Variants in SYNPR observed in about 807,000 individuals in gnomAD.
SYNPR encodes synaptoporin.
SYNPR carries 23 observed loss-of-function variants against 32.9 expected under a neutral mutation model. The observed-to-expected ratio is 0.70, with a 90% CI of 0.50 to 0.99. The LOEUF is 0.99. Ranked by LOEUF, SYNPR falls within the 50% of genes least tolerant of loss-of-function variation. SYNPR has a pLI of 0.00. For synonymous variants in SYNPR, 146 were observed against 135.9 expected, an observed-to-expected ratio of 1.07 and a Z score of -0.52; for missense variants, 318 against 349.3, an observed-to-expected ratio of 0.91 and a Z score of 0.71.
chr3:63,588,689 T>C (rs1474267315), intron 4 of SYNPR, among the ~76,000 whole-genome samples: 2 of 152,160 alleles, frequency 1.3e-5, no homozygotes, highest in East Asian at 1.9e-4. Context: ...CTATTTTCTA[T>C]ATGACATAGT....
At chr3:63,494,406 T>C (rs868148258) in intron 3 of SYNPR, among the ~76,000 whole-genome samples, 3 of 118,676 alleles carry the variant, frequency 2.5e-5, no homozygotes, top group South Asian at 5.3e-4. Context: ...TATATATATA[T>C]ATATATATAT....
At chr3:63,497,665 G>A (rs1340967222) in intron 3 of SYNPR, among the ~76,000 whole-genome samples, 1 of 151,710 alleles carries the variant, frequency 6.6e-6, no homozygotes, top group South Asian at 2.1e-4. Context: ...GAATTCAGTC[G>A]CTCTGCAGAG....
intron 2 of SYNPR, among the ~76,000 whole-genome samples, chr3:63,333,761 T>C (rs1450920480): frequency 1.3e-5 from 2 of 152,186 alleles, no homozygotes; most frequent in Admixed American, 6.5e-5. Context: ...TTTTCATTCA[T>C]AGCACCAGTC....
intron 2 of SYNPR, among the ~76,000 whole-genome samples, chr3:63,252,934 G>A (rs1017104014): frequency 6.6e-6 from 1 of 151,916 alleles, no homozygotes; most frequent in Non-Finnish European, 1.5e-5. Context: ...AGCTACTTGG[G>A]AGGCTGAGGT....
In SYNPR at chr3:63,553,823, G is replaced by A. The variant is rs531469836; in HGVS notation, c.210-2720G>A. 6.6e-5 allele frequency among the ~76,000 whole-genome samples: 10 copies of A among 152,292 alleles called. No individual in the cohort carries two copies. In the East Asian group the frequency reaches 1.7e-3, roughly 27 times the overall value. ...CGCAACCTCCGCCTCCTAGGTTCAAGTGATTCTCCTGCCTCAGCCTCCCGA... is the reference window on the plus strand; with the variant it reads ...CGCAACCTCCGCCTCCTAGGTTCAAATGATTCTCCTGCCTCAGCCTCCCGA... On this transcript the variant is annotated intron_variant, in intron 3 of 5. Coordinates refer to ENST00000478300, the MANE Select transcript of SYNPR (RefSeq NM_001130003.2).
intron 3 of SYNPR, among the ~76,000 whole-genome samples, chr3:63,498,949 A>T (rs1229032870): frequency 4.3e-5 from 3 of 69,746 alleles, no homozygotes; most frequent in Admixed American, 1.1e-4. Flanking sequence ...CCTCACCTCT[A>T]AAAAAAAAAA....
chr3:63,277,567 G>A (rs756669427), upstream of SYNPR, among the ~76,000 whole-genome samples: 5 of 152,156 alleles, frequency 3.3e-5, no homozygotes, highest in Non-Finnish European at 5.9e-5. Context: ...TTCATTCCCT[G>A]TTTAGCCTTT....
chr3:63,385,016 C>T (rs2088022598), intron 2 of SYNPR, among the ~76,000 whole-genome samples: 1 of 152,098 alleles, frequency 6.6e-6, no homozygotes, highest in Non-Finnish European at 1.5e-5. Flanking sequence ...ACCCCATGGC[C>T]TCAGCTCTTA....
intron 2 of SYNPR, among the ~76,000 whole-genome samples, chr3:63,368,070 A>G (rs1437378819): frequency 1.3e-5 from 2 of 152,198 alleles, no homozygotes; most frequent in African/African-American, 2.4e-5. Flanking sequence ...GGCAGCAAGA[A>G]ATTTTTAAAA....
chr3:63,391,970 C>T (rs987779772), intron 2 of SYNPR, among the ~76,000 whole-genome samples: 1 of 152,190 alleles, frequency 6.6e-6, no homozygotes, highest in Non-Finnish European at 1.5e-5. Flanking sequence ...TTGCCCCTTC[C>T]TAAGCTGCGC....
chr3:63,563,426 C>A (rs752830567), intron 4 of SYNPR, among the ~76,000 whole-genome samples: 1 of 152,178 alleles, frequency 6.6e-6, no homozygotes, highest in Non-Finnish European at 1.5e-5. Flanking sequence ...TCTTTCCCAC[C>A]AGCTACACCT....
rs112416918 is a variant in SYNPR at position 63,397,861 on chromosome 3, G to A, written c.85-82971G>A. On this transcript the variant is annotated intron_variant, in intron 2 of 5. Transcript: ENST00000478300. The stretch of plus-strand genomic sequence containing the variant: ...AGAGACATTAATTCTCTTATCTTTT[G>A]GGGCCTAAGAATTGCCTTTAAAGAA... 1.6e-3 allele frequency among the ~76,000 whole-genome samples: 246 copies of A among 152,222 alleles called. 4 individuals are homozygous for A. Among genetic ancestry groups the A allele is most frequent in the Middle Eastern group, 0.01 (3 of 294 alleles).
chr3:63,491,300 A>G lies in SYNPR; in HGVS notation c.209+10344A>G, dbSNP rs75744055. 4.9e-3 allele frequency among the ~76,000 whole-genome samples: 746 copies of G among 152,232 alleles called. 8 individuals carry two copies. The highest frequency in any genetic ancestry group is 0.042 in the East Asian group (214 of 5,150). The stretch of plus-strand genomic sequence containing the variant: ...AGCTCATGCCAGGTGGTTCAATTAC[A>G]AAAAGTTAATGTAGACAATTAGCTA... On this transcript the variant is annotated intron_variant, in intron 3 of 5. Coordinates refer to ENST00000478300, the MANE Select transcript of SYNPR (RefSeq NM_001130003.2).
chr3:63,553,590 C>A (rs1183890932), intron 3 of SYNPR, among the ~76,000 whole-genome samples: 2 of 152,160 alleles, frequency 1.3e-5, no homozygotes, highest in Non-Finnish European at 2.9e-5. Context: ...TTGGTTTTGA[C>A]TTTTTAAGAA....
chr3:63,250,084 T>C (rs994660541), intron 1 of SYNPR, among the ~76,000 whole-genome samples: 3 of 152,026 alleles, frequency 2.0e-5, no homozygotes, highest in Admixed American at 6.6e-5. Context: ...AAATTACATA[T>C]AGCTGGGAGG....
rs978213246 is a variant in SYNPR, at chr3:63,429,116, T to C, written c.85-51716T>C. Among the ~76,000 whole-genome samples the C allele has an allele frequency of 4.6e-5, 7 of 152,230 alleles. No individual in the cohort carries two copies. The South Asian group carries it at 6.2e-4, about 13-fold the overall frequency. On this transcript the variant is annotated intron_variant, in intron 2 of 5. Coordinates refer to ENST00000478300, the MANE Select transcript of SYNPR (RefSeq NM_001130003.2). ...GAAAGATTTTTCTTTTTTCTTTGTA[T>C]GTTTGTTATTTCATATAGGTGGTTA... is the stretch of plus-strand genomic sequence containing the variant.
chr3:63,506,152 C>T (rs566035237), intron 3 of SYNPR, among the ~76,000 whole-genome samples: 1 of 151,674 alleles, frequency 6.6e-6, no homozygotes, highest in African/African-American at 2.4e-5. Flanking sequence ...CCCTTTTCCT[C>T]CGCTCTCTTC....
the SYNPR span, among the ~76,000 whole-genome samples, chr3:63,211,388 T>A: frequency 6.6e-6 from 1 of 152,180 alleles, no homozygotes; most frequent in Non-Finnish European, 1.5e-5. Context: ...TTACTTCAAA[T>A]TTTTCTTCAT....
At position 63,264,896 on chromosome 3, in the gene SYNPR, C is replaced by A. The variant is rs989465973; in HGVS notation, n.155-2421C>A. On this transcript the variant is annotated intron_variant and non_coding_transcript_variant, in intron 2 of 4. Transcript: ENST00000478456. ...CCGAGACTCACTATCACGATAACAG[C>A]ATGGGGGAAACAGCTGATTCTCAGA... 2.9e-5 allele frequency among the ~76,000 whole-genome samples: 4 copies of A among 138,602 alleles called. 1 individual carries two copies. In the South Asian group the frequency reaches 9.9e-4, roughly 34 times the overall value. The allele number at this position is 138,602 out of a possible 152,430, so 90.9% of individuals were successfully genotyped here.
Sources: allele counts gnomAD v4.1 joint callset (sites outside exome capture counted in the v4.1 genomes callset), GRCh38; gene constraint gnomAD v4.1.1; transcripts MANE v1.5; gene names NCBI Gene and HGNC (gene_info 2026-07-23, HGNC 2026-07-21).